IFFO1: variants seen among roughly 807,000 people sequenced by gnomAD.
IFFO1 encodes non-homologous end joining factor IFFO1.
Under a neutral mutation model 59.6 loss-of-function variants are expected in IFFO1, and 42 were observed. The observed-to-expected ratio is 0.70, with a 90% CI of 0.55 to 0.91. The LOEUF (loss-of-function observed/expected upper bound fraction) is 0.91. Among genes scored for constraint, IFFO1 ranks in the 40% least tolerant of loss-of-function variants. The probability of loss-of-function intolerance (pLI) is 0.00; values close to 1 mark genes in which losing one functional copy is unlikely to be tolerated. For synonymous variants in IFFO1, 336 were observed against 342.8 expected (o/e 0.98, Z 0.22); for missense variants, 711 against 793.2 (o/e 0.90, Z 1.24).
Position 6,555,958 on chromosome 12 carries a change from C to A in IFFO1, c.72G>T (p.Gly24=). 6.4e-7 allele frequency: 1 copy of A among 1,562,408 alleles called. No homozygotes were observed. The highest frequency in any genetic ancestry group is 8.6e-7 in the Non-Finnish European group (1 of 1,160,670). ...CGAAGTGGTCGCCTCCCAGTGAGTC[C>A]CCCAGTGGCCCGGCCAGGCCCTGCT... ...QEQQGLAGPL[G]DSLGGDHFAG... Residue 24 remains glycine, a synonymous_variant, in exon 1 of 10, where the codon GGG becomes GGT. Coordinates refer to ENST00000619571, the MANE Select transcript of IFFO1 (RefSeq NM_001193457.2). This position sits in a 1 kb window ranked among gnomAD's most constrained non-coding sequence, Gnocchi z 8.6.
In IFFO1 at chr12:6,548,110, GA is replaced by G. The variant is rs1267529970; in HGVS notation, c.1433del (p.Phe478SerfsTer15). 1 of 1,614,058 alleles carries G rather than the reference GA, an allele frequency of 6.2e-7. No homozygotes were observed. The highest frequency in any genetic ancestry group is 8.5e-7 in the Non-Finnish European group (1 of 1,179,958). On this transcript the variant is annotated frameshift_variant, in exon 8 of 10. Coordinates refer to ENST00000619571, the MANE Select transcript of IFFO1 (RefSeq NM_001193457.2). LOFTEE classifies it high-confidence loss of function. This position sits in a 1 kb window ranked among gnomAD's most constrained non-coding sequence, Gnocchi z 6.1. ...CCTGATACTCCTTCTCCCGGGTTTT[GA>G]ACAGGGACTCCGTATCTTTAATCAC... ...EKVIKDTESL[F>X]KTREKEYQET...
intron 8 of IFFO1, among the ~76,000 whole-genome samples, chr12:6,546,277 T>A (rs1441138996): frequency 6.6e-6 from 1 of 152,198 alleles, no homozygotes; most frequent in Non-Finnish European, 1.5e-5. Flanking sequence ...TTGGAACACA[T>A]GCCCTGAAGA....
chr12:6,546,457 C>G (rs1238600487), intron 8 of IFFO1, among the ~76,000 whole-genome samples: 1 of 152,234 alleles, frequency 6.6e-6, no homozygotes, highest in Admixed American at 6.5e-5. Context: ...ACAGCAACCT[C>G]CATTCTGTGG....
At position 6,550,117 on chromosome 12, in the gene IFFO1, G is replaced by T; in HGVS notation, c.931-221C>A. 17 of 498,680 alleles carry T rather than the reference G, an allele frequency of 3.4e-5. No homozygotes were observed. The South Asian group carries it at 5.9e-4, about 17-fold the overall frequency. 30.9% of individuals were successfully genotyped at this position (498,680 alleles called of 1,614,324 possible). ...GGGCGGCTCGGGCCACTGCTCCCTG[G>T]CCAAACGGAAGCCCTGGAGGGCATG... On this transcript the variant is annotated intron_variant, in intron 3 of 9. Transcript: ENST00000619571.
chr12:6,548,237 G>C lies in IFFO1; in HGVS notation c.1384-77C>G. The C allele has an allele frequency of 2.0e-6, 2 of 1,009,840 alleles. No individual in the cohort carries two copies. The highest frequency in any genetic ancestry group is 2.9e-6 in the Non-Finnish European group (2 of 685,910). 62.6% of individuals were successfully genotyped at this position (1,009,840 alleles called of 1,614,324 possible). On this transcript the variant is annotated intron_variant, in intron 7 of 9. Coordinates refer to ENST00000619571, the MANE Select transcript of IFFO1 (RefSeq NM_001193457.2). The surrounding 1 kb of genome is among the most constrained non-coding windows in gnomAD (Gnocchi z 6.1). Reference sequence around the variant, plus strand: ...ACGCATTCCAAAGGGCCAAGTCAGGGAGAGAGAGAGAGAGGAAGTCTGGTT... The same window carrying C: ...ACGCATTCCAAAGGGCCAAGTCAGGCAGAGAGAGAGAGAGGAAGTCTGGTT...
intron 8 of IFFO1, among the ~76,000 whole-genome samples, chr12:6,544,134 G>T (rs1480919147): frequency 6.6e-6 from 1 of 151,784 alleles, no homozygotes; most frequent in Non-Finnish European, 1.5e-5. Context: ...ATTGCACTGG[G>T]AGAGAGGAGG....
At position 6,555,769 on chromosome 12, in the gene IFFO1, G is replaced by A; in HGVS notation, c.261C>T (p.Phe87=). Residue 87 remains phenylalanine (F), a synonymous_variant, in exon 1 of 10, where the codon TTC becomes TTT. Transcript: ENST00000619571. This position sits in a 1 kb window ranked among gnomAD's most constrained non-coding sequence, Gnocchi z 8.6. Reference sequence around the variant, plus strand: ...GCTCCAGCTCATGCACCTTGGCCAGGAAGCAGCGGAACCGGAGGTTCAGGG... The same window carrying A: ...GCTCCAGCTCATGCACCTTGGCCAGAAAGCAGCGGAACCGGAGGTTCAGGG... ...LKTLNLRFRC[F]LAKVHELERR... 1 of 1,613,282 alleles carries A rather than the reference G, an allele frequency of 6.2e-7. No individual in the cohort carries two copies. Among genetic ancestry groups the A allele is most frequent in the Non-Finnish European group, 8.5e-7 (1 of 1,179,490 alleles).
chr12:6,540,779 C>T (rs1399767149), intron 9 of IFFO1, among the ~76,000 whole-genome samples, 191 bp from the exon 10 acceptor site: 1 of 152,184 alleles, frequency 6.6e-6, no homozygotes, highest in Admixed American at 6.5e-5. Flanking sequence ...GAAATGGGCC[C>T]CGCCTGTGTC....
chr12:6,545,681 C>G (rs1194736216), intron 8 of IFFO1, among the ~76,000 whole-genome samples: 1 of 147,290 alleles, frequency 6.8e-6, no homozygotes, highest in Non-Finnish European at 1.5e-5. Flanking sequence ...CTGGGTGACA[C>G]AGCGAGACTC....
Position 6,548,362 on chromosome 12 carries a change from G to A in IFFO1, c.1383+63C>T, listed in dbSNP as rs1947066166. On this transcript the variant is annotated intron_variant, in intron 7 of 9. Transcript: ENST00000619571. This position sits in a 1 kb window ranked among gnomAD's most constrained non-coding sequence, Gnocchi z 6.1. ...GGGGACAGAGCAAGGAGAGGAGCGG[G>A]GGAGTGGGCTTCAGGCTGGAGAGGC... 2 of 1,560,310 alleles carry A rather than the reference G, an allele frequency of 1.3e-6. No individual in the cohort carries two copies. Among genetic ancestry groups the A allele is most frequent in the Non-Finnish European group, 1.7e-6 (2 of 1,149,572 alleles).
chr12:6,554,490 G>A lies in IFFO1; in HGVS notation c.773+767C>T, dbSNP rs112595756. Among the ~76,000 whole-genome samples the A allele has an allele frequency of 7.9e-3, 1,210 of 152,290 alleles. 22 individuals carry two copies. The highest frequency in any genetic ancestry group is 0.027 in the African/African-American group (1,128 of 41,556). On this transcript the variant is annotated intron_variant, in intron 1 of 9. Coordinates refer to ENST00000619571, the MANE Select transcript of IFFO1 (RefSeq NM_001193457.2). ...CTTGGGGCCGGGCTCCTCTCAGACA[G>A]CCAAATCTTCATCCACAGAATGCAC...
chr12:6,555,330 T>C lies in IFFO1; in HGVS notation c.700A>G (p.Ile234Val), dbSNP rs1947388898. The stretch of plus-strand genomic sequence containing the variant: ...TAGAGAGCGCGGATCTCGGGCGTGA[T>C]GGTGTCGATCTGGACGCCCACCCCA... Reference protein sequence around the residue: ...PDGVGVQIDTITPEIRALYNV... With the variant: ...PDGVGVQIDTVTPEIRALYNV... Residue 234 changes from isoleucine (I) to valine (V), a missense_variant, in exon 1 of 10, where the codon ATC becomes GTC. Ile to Val is a conservative substitution (Grantham distance 29). Coordinates refer to ENST00000619571, the MANE Select transcript of IFFO1 (RefSeq NM_001193457.2). This position sits in a 1 kb window ranked among gnomAD's most constrained non-coding sequence, Gnocchi z 8.6. 1.2e-6 allele frequency: 2 copies of C among 1,614,110 alleles called. No homozygotes were observed. The highest frequency in any genetic ancestry group is 1.1e-5 in the South Asian group (1 of 91,084).
In IFFO1 at chr12:6,549,104, GC is replaced by G. The variant is rs1386747532; in HGVS notation, c.1081-256del. 4 of 560,848 alleles carry G rather than the reference GC, an allele frequency of 7.1e-6. No homozygotes were observed. The highest frequency in any genetic ancestry group is 1.3e-5 in the Non-Finnish European group (4 of 317,960). 34.7% of individuals were successfully genotyped at this position (560,848 alleles called of 1,614,324 possible). A position where few individuals can be genotyped will look rare whatever the true frequency, so the allele number is the denominator to read the frequency against. ...AGAGCAGTCAGACAAGGAAGGAAGG[GC>G]TCGCTGGGGCTGCAGTCAGATGTGC... is the stretch of plus-strand genomic sequence containing the variant. On this transcript the variant is annotated intron_variant, in intron 5 of 9. Transcript: ENST00000619571. This position sits in a 1 kb window ranked among gnomAD's most constrained non-coding sequence, Gnocchi z 5.0.
rs1947416757 is a variant in IFFO1, at chr12:6,555,707, G to T, written c.323C>A (p.Ala108Glu). The change falls in exon 1 of 10, where the codon GCG (alanine) becomes GAG (glutamate). Residue 108 changes from alanine (A) to glutamate (E), a missense_variant. This residue lies in a region of IFFO1 where 579 missense variants were observed against 650.3 expected (regional missense o/e 0.89). Coordinates refer to ENST00000619571, the MANE Select transcript of IFFO1 (RefSeq NM_001193457.2). This position sits in a 1 kb window ranked among gnomAD's most constrained non-coding sequence, Gnocchi z 8.6. Reference sequence around the variant, plus strand: ...CCGGCCCTGCTTACCCTCCTCCAGCGCTTGCTGCAGTTGCTTCTCCAACAG... The same window carrying T: ...CCGGCCCTGCTTACCCTCCTCCAGCTCTTGCTGCAGTTGCTTCTCCAACAG... The part of the protein sequence containing the change: ...NRLLEKQLQQ[A>E]LEEGKQGRRG... 1 of 1,612,092 alleles carries T rather than the reference G, an allele frequency of 6.2e-7. No individual in the cohort carries two copies. The highest frequency in any genetic ancestry group is 1.1e-5 in the South Asian group (1 of 90,958).
chr12:6,548,940 T>A lies in IFFO1; in HGVS notation c.1081-91A>T. On this transcript the variant is annotated intron_variant, in intron 5 of 9. Coordinates refer to ENST00000619571, the MANE Select transcript of IFFO1 (RefSeq NM_001193457.2). The surrounding 1 kb of genome is among the most constrained non-coding windows in gnomAD (Gnocchi z 6.1). ...GGAATGGGGGAGAAGCATGAACCAG[T>A]AGGAAGGGGGGGCAGACAGAGAGAA... 3.0e-6 allele frequency: 3 copies of A among 1,009,436 alleles called. No individual in the cohort carries two copies. The highest frequency in any genetic ancestry group is 4.3e-6 in the Non-Finnish European group (3 of 694,622). 62.5% of individuals were successfully genotyped at this position (1,009,436 alleles called of 1,614,324 possible). A position where few individuals can be genotyped will look rare whatever the true frequency, so the allele number is the denominator to read the frequency against.
At position 6,555,927 on chromosome 12, in the gene IFFO1, C is replaced by T. The variant is rs777029667; in HGVS notation, c.103G>A (p.Gly35Arg). Reference protein sequence around the residue: ...DSLGGDHFAGGGDLPPAPLSP... With the variant: ...DSLGGDHFAGRGDLPPAPLSP... Reference sequence around the variant, plus strand: ...AGAGGCGCCGGGGGCAAGTCTCCTCCCCCGGCGAAGTGGTCGCCTCCCAGT... The same window carrying T: ...AGAGGCGCCGGGGGCAAGTCTCCTCTCCCGGCGAAGTGGTCGCCTCCCAGT... The change falls in exon 1 of 10, where the codon GGA (glycine) becomes AGA (arginine). Residue 35 changes from glycine (G) to arginine (R), a missense_variant. Gly to Arg is a moderately radical substitution (Grantham distance 125). Transcript: ENST00000619571. The surrounding 1 kb of genome is among the most constrained non-coding windows in gnomAD (Gnocchi z 8.6). The T allele has an allele frequency of 2.6e-6, 4 of 1,551,858 alleles. No individual in the cohort carries two copies. Among genetic ancestry groups the T allele is most frequent in the Non-Finnish European group, 3.5e-6 (4 of 1,153,834 alleles).
chr12:6,551,132 G>A, intron 1 of IFFO1, 131 bp from the exon 2 acceptor site: 1 of 861,802 alleles, frequency 1.2e-6, no homozygotes, highest in Non-Finnish European at 1.8e-6. Context: ...GAGGAGCAGG[G>A]CACAGGAATG....
chr12:6,538,990 GAT>G (rs1491139357), downstream of IFFO1: 1 of 152,194 alleles, frequency 6.6e-6, no homozygotes, highest in Non-Finnish European at 1.5e-5. Flanking sequence ...GATGAACTGA[GAT>G]GTGTCAGGGT....
Position 6,548,563 on chromosome 12 carries a change from G to A in IFFO1, c.1263-18C>T, listed in dbSNP as rs781364485. On this transcript the variant is annotated intron_variant, in intron 6 of 9. Coordinates refer to ENST00000619571, the MANE Select transcript of IFFO1 (RefSeq NM_001193457.2). The surrounding 1 kb of genome is among the most constrained non-coding windows in gnomAD (Gnocchi z 6.1). ...ACTCCCTCCTAGAGACAGGGAACCC[G>A]GGTGTCAGGGCGGGCGGGGCCTCGT... The A allele has an allele frequency of 2.4e-5, 39 of 1,613,436 alleles. No homozygotes were observed. The highest frequency in any genetic ancestry group is 1.1e-4 in the African/African-American group (8 of 74,944).
Sources: allele counts gnomAD v4.1 joint callset (sites outside exome capture counted in the v4.1 genomes callset), GRCh38; gene constraint gnomAD v4.1.1; regional missense constraint gnomAD v4.1.1; non-coding constraint Gnocchi (gnomAD v3.1); transcripts MANE v1.5; gene names NCBI Gene and HGNC (gene_info 2026-07-23, HGNC 2026-07-21).